Variants in TGM7 observed in about 807,000 individuals in gnomAD.
The protein encoded by TGM7 is transglutaminase 7, also known as protein-glutamine gamma-glutamyltransferase Z.
Under a neutral mutation model 79.5 loss-of-function variants are expected in TGM7, and 74 were observed. The ratio of observed to expected loss-of-function variants is 0.93; its 90% CI spans 0.77 to 1.13. TGM7 has a LOEUF of 1.13. Ranked by LOEUF, TGM7 falls within the 50% of genes most tolerant of loss-of-function variation. The pLI, the probability that TGM7 is intolerant of heterozygous loss-of-function variation, is 0.00. For synonymous variants in TGM7, 354 were observed against 362.5 expected (o/e 0.98, Z 0.27); for missense variants, 912 against 905.9 (o/e 1.01, Z -0.09).
chr15:43,300,461 C>T (rs777014445), intron 1 of TGM7, among the ~76,000 whole-genome samples: 4 of 152,158 alleles, frequency 2.6e-5, no homozygotes, highest in Non-Finnish European at 4.4e-5. Context: ...TGAAGATTTT[C>T]AAATTTTTTT....
intron 6 of TGM7, among the ~76,000 whole-genome samples, chr15:43,286,425 G>A (rs930130009): frequency 3.4e-4 from 52 of 152,182 alleles, no homozygotes; most frequent in African/African-American, 1.3e-3. Flanking sequence ...TGCCAGGGTA[G>A]CCCTAGCCCC....
At chr15:43,296,652 T>G (rs1470778935) in intron 1 of TGM7, among the ~76,000 whole-genome samples, 1 of 152,126 alleles carries the variant, frequency 6.6e-6, no homozygotes, top group Non-Finnish European at 1.5e-5. Flanking sequence ...TTTTCCTGGC[T>G]GCTGTTTGTA....
chr15:43,280,315 T>C (rs2042901561), intron 9 of TGM7, among the ~76,000 whole-genome samples: 1 of 152,104 alleles, frequency 6.6e-6, no homozygotes, highest in African/African-American at 2.4e-5. Context: ...AGCTAAGATA[T>C]ATGCTCGAAA....
rs748029325 is a variant in TGM7 at position 43,292,901 on chromosome 15, C to A, written c.247G>T (p.Val83Phe). The change falls in exon 3 of 13, where the codon GTC becomes TTC. Residue 83 changes from valine (V) to phenylalanine (F), a missense_variant. By Grantham distance (50) the Val-to-Phe change is conservative. Coordinates refer to ENST00000452443, the MANE Select transcript of TGM7 (RefSeq NM_052955.3). Reference protein sequence around the residue: ...GTRATFFLTRVQPGNVWSASD... With the variant: ...GTRATFFLTRFQPGNVWSASD... ...GCGCTCCAGACATTCCCGGGCTGGA[C>A]CCGGGTGAGGAAGAATGTGGCTCGG... 3 of 1,613,698 alleles carry A rather than the reference C, an allele frequency of 1.9e-6. No individual in the cohort carries two copies. The African/African-American group carries it at 4.0e-5, about 22-fold the overall frequency.
At chr15:43,287,998 G>A (rs1480599333) in intron 4 of TGM7, among the ~76,000 whole-genome samples, 1 of 152,146 alleles carries the variant, frequency 6.6e-6, no homozygotes, top group Non-Finnish European at 1.5e-5. Flanking sequence ...GCAGGAAGAG[G>A]AGAGTGGGCA....
chr15:43,287,764 T>C, intron 4 of TGM7, 95 bp from the exon 5 acceptor site: 1 of 1,457,482 alleles, frequency 6.9e-7, no homozygotes, highest in Non-Finnish European at 9.2e-7. Context: ...ATGGCATGTA[T>C]ATGGGGATGT....
intron 8 of TGM7, 34 bp from the exon 9 acceptor site, chr15:43,282,120 A>G (rs748138862): frequency 4.4e-6 from 7 of 1,606,990 alleles, no homozygotes; most frequent in African/African-American, 1.3e-5. Context: ...TATGGGGGCC[A>G]GGGGCAGCTG....
At chr15:43,297,495 A>AAAAG in intron 1 of TGM7, among the ~76,000 whole-genome samples, 1 of 136,346 alleles carries the variant, frequency 7.3e-6, no homozygotes, top group East Asian at 2.1e-4. Flanking sequence ...AAGAGAAAGA[A>AAAAG]AAAGAAAGAA....
chr15:43,279,849 A>C lies in TGM7; in HGVS notation c.1454T>G (p.Leu485Arg). 1.2e-6 allele frequency: 2 copies of C among 1,614,230 alleles called. No homozygotes were observed. Among genetic ancestry groups the C allele is most frequent in the Non-Finnish European group, 1.7e-6 (2 of 1,180,042 alleles). ...PFLDLLESGG[L>R]RDQPAQLQLH... ...CTGCAGCTGCGCTGGCTGATCCCTA[A>C]GACCCCCAGACTCCAGGAGATCCAG... Residue 485 changes from leucine to arginine, a missense_variant, in exon 10 of 13, where the codon CTT (leucine) becomes CGT (arginine). Physicochemically the swap from Leu to Arg is moderately radical, Grantham distance 102. Transcript: ENST00000452443.
At chr15:43,282,833 G>C (rs751606805) in intron 7 of TGM7, among the ~76,000 whole-genome samples, 1 of 152,130 alleles carries the variant, frequency 6.6e-6, no homozygotes, top group African/African-American at 2.4e-5. Flanking sequence ...GGCGGATCAC[G>C]AGGTCAGGAG....
In TGM7 at chr15:43,279,647, C is replaced by T. The variant is rs370215417; in HGVS notation, c.1656G>A (p.Arg552=). The change falls in exon 10 of 13, where the codon CGG becomes CGA. Residue 552 remains arginine (R), a synonymous_variant. Coordinates refer to ENST00000452443, the MANE Select transcript of TGM7 (RefSeq NM_052955.3). ...CACCCTTCCCAAAGTCCAGGTTCAT[C>T]CGCACTGTGTGCCTCCAGAAGGGCT... is the stretch of plus-strand genomic sequence containing the variant. ...TQKPFWRHTV[R]MNLDFGKETQ... The T allele has an allele frequency of 3.6e-5, 57 of 1,603,958 alleles. No homozygotes were observed. The highest frequency in any genetic ancestry group is 4.5e-5 in the Non-Finnish European group (53 of 1,174,220).
intron 10 of TGM7, 50 bp from the exon 11 acceptor site, chr15:43,279,327 G>C (rs1357102441): frequency 6.3e-7 from 1 of 1,576,192 alleles, no homozygotes; most frequent in African/African-American, 1.4e-5. Context: ...ACCAGAGAGA[G>C]GGGGGACATG....
intron 1 of TGM7, among the ~76,000 whole-genome samples, chr15:43,300,059 A>G (rs1217113542): frequency 1.3e-5 from 2 of 152,170 alleles, no homozygotes; most frequent in African/African-American, 2.4e-5. Context: ...CCATACTCAT[A>G]TCTACCTCTG....
chr15:43,288,192 G>C (rs545219334), intron 4 of TGM7, among the ~76,000 whole-genome samples: 1 of 152,368 alleles, frequency 6.6e-6, no homozygotes, highest in East Asian at 1.9e-4. Flanking sequence ...GGAGGAGCCA[G>C]GGTGGGCTCA....
rs1187007873 is a variant in TGM7, at chr15:43,279,793, G to A, written c.1510C>T (p.Gln504Ter). ...ATACGCAGCAGCAGCTGCAGGTCCT[G>A]GCCCCACTCGGGTATCCTGGCCAGG... ...LHLARIPEWG[Q>*]DLQLLLRIQR... is the part of the protein sequence containing the mutation. Residue 504 changes from glutamine to a stop codon, truncating the protein, a stop_gained, in exon 10 of 13, where the codon CAG becomes TAG. Coordinates refer to ENST00000452443, the MANE Select transcript of TGM7 (RefSeq NM_052955.3). LOFTEE classifies it high-confidence loss of function. The A allele has an allele frequency of 6.2e-7, 1 of 1,614,152 alleles. No individual in the cohort carries two copies. Among genetic ancestry groups the A allele is most frequent in the Admixed American group, 1.7e-5 (1 of 60,032 alleles).
At position 43,279,287 on chromosome 15, in the gene TGM7, T is replaced by C. The variant is rs778702706; in HGVS notation, c.1679-10A>G. Reference sequence around the variant, plus strand: ...AGCGGCCACTGTGTCTCTAAGCACATACAAAAGACACCTTGAGTCCAGGAC... The same window carrying C: ...AGCGGCCACTGTGTCTCTAAGCACACACAAAAGACACCTTGAGTCCAGGAC... On this transcript the variant is annotated splice_polypyrimidine_tract_variant and intron_variant, in intron 10 of 12. Coordinates refer to ENST00000452443, the MANE Select transcript of TGM7 (RefSeq NM_052955.3). The C allele has an allele frequency of 1.2e-6, 2 of 1,612,654 alleles. No individual in the cohort carries two copies. Among genetic ancestry groups the C allele is most frequent in the East Asian group, 2.2e-5 (1 of 44,872 alleles).
At chr15:43,277,126 G>A (rs911669156) in intron 11 of TGM7, 131 bp from the exon 12 acceptor site, 10 of 1,196,048 alleles carry the variant, frequency 8.4e-6, no homozygotes, top group Admixed American at 2.3e-5. Flanking sequence ...CCACAGTGGC[G>A]AGGGAGGAAT....
At chr15:43,292,599 A>G (rs558155386) in intron 3 of TGM7, 110 bp downstream of exon 3, 2 of 1,325,004 alleles carry the variant, frequency 1.5e-6, no homozygotes, top group Non-Finnish European at 2.1e-6. Context: ...AGCACACGCT[A>G]CTACATTGCA....
At position 43,287,298 on chromosome 15, in the gene TGM7, C is replaced by T. The variant is rs536675107; in HGVS notation, c.847G>A (p.Ala283Thr). 2.0e-5 allele frequency: 33 copies of T among 1,613,370 alleles called. No individual in the cohort carries two copies. The South Asian group carries it at 3.0e-4, about 15-fold the overall frequency. ...PVKYGQCWVF[A>T]SVMCTVMRCL... ...CGCTCACCGGTGCACATAACAGAGG[C>T]GAAGACCCAGCACTGTCCGTACTTC... is the stretch of plus-strand genomic sequence containing the variant. Residue 283 changes from alanine to threonine, a missense_variant, in exon 6 of 13, where the codon GCC becomes ACC. Coordinates refer to ENST00000452443, the MANE Select transcript of TGM7 (RefSeq NM_052955.3).
Sources: allele counts gnomAD v4.1 joint callset (sites outside exome capture counted in the v4.1 genomes callset), GRCh38; gene constraint gnomAD v4.1.1; transcripts MANE v1.5; gene names NCBI Gene and HGNC (gene_info 2026-07-23, HGNC 2026-07-21).